The following PAG1 variants were observed in gnomAD, a reference collection of about 807,000 sequenced individuals.
The protein encoded by PAG1 is phosphoprotein associated with glycosphingolipid-enriched microdomains 1.
PAG1 carries 23 observed loss-of-function variants against 31.7 expected under a neutral mutation model. The ratio of observed to expected loss-of-function variants is 0.73; its 90% CI spans 0.52 to 1.03. The LOEUF is 1.03. Among genes scored for constraint, PAG1 ranks in the 50% least tolerant of loss-of-function variants. The pLI is 0.00. For synonymous variants in PAG1, 214 were observed against 210.3 expected (o/e 1.02, Z -0.15); for missense variants, 473 against 540.7 (o/e 0.87, Z 1.24).
chr8:80,991,636 T>G (rs1217876347), intron 4 of PAG1, 106 bp from the exon 5 acceptor site: 1 of 797,132 alleles, frequency 1.3e-6, no homozygotes, highest in African/African-American at 1.7e-5. Flanking sequence ...ATCTCTCGTT[T>G]TAAGAACCAT....
intron 1 of PAG1, among the ~76,000 whole-genome samples, chr8:81,090,147 G>A (rs189640221): frequency 5.9e-4 from 90 of 152,222 alleles, no homozygotes; most frequent in African/African-American, 2.0e-3. Flanking sequence ...GCCATGACAT[G>A]TCCCACAATT....
intron 3 of PAG1, among the ~76,000 whole-genome samples, chr8:81,016,529 G>T (rs1808075580): frequency 6.6e-6 from 1 of 152,152 alleles, no homozygotes; most frequent in African/African-American, 2.4e-5. Flanking sequence ...CAATTTGACA[G>T]TTCTCCTTAT....
chr8:81,052,760 C>G (rs1353582780), intron 2 of PAG1, among the ~76,000 whole-genome samples: 1 of 152,210 alleles, frequency 6.6e-6, no homozygotes, highest in Non-Finnish European at 1.5e-5. Context: ...AAGCTAATGT[C>G]TTTGCTCAGA....
intron 3 of PAG1, among the ~76,000 whole-genome samples, chr8:80,993,827 G>A (rs1375143230): frequency 6.6e-6 from 1 of 151,584 alleles, no homozygotes; most frequent in Admixed American, 6.6e-5. Context: ...ACTGGTCTTG[G>A]ACTCCTGGGC....
At chr8:81,055,351 G>A (rs2130896597) in intron 2 of PAG1, among the ~76,000 whole-genome samples, 1 of 152,244 alleles carries the variant, frequency 6.6e-6, no homozygotes, top group Admixed American at 6.5e-5. Flanking sequence ...AACATTTGGA[G>A]AATTCAGTTT....
intron 2 of PAG1, among the ~76,000 whole-genome samples, chr8:81,052,105 G>A (rs1432485261): frequency 1.1e-4 from 17 of 150,712 alleles, no homozygotes; most frequent in African/African-American, 2.9e-4. Context: ...ACTCCAGCCC[G>A]GGCGACAGAG....
intron 2 of PAG1, among the ~76,000 whole-genome samples, chr8:81,049,401 AAAT>A (rs1365028917): frequency 6.6e-6 from 1 of 152,228 alleles, no homozygotes; most frequent in African/African-American, 2.4e-5. Flanking sequence ...TGCTGCAGAA[AAAT>A]AATGATTTAG....
At chr8:80,985,528 G>T (rs569465287) in intron 6 of PAG1, 151 bp from the exon 7 acceptor site, 3 of 711,742 alleles carry the variant, frequency 4.2e-6, no homozygotes, top group Admixed American at 3.1e-5. Flanking sequence ...CCATCAGTTG[G>T]TATCCTACTT....
intron 2 of PAG1, among the ~76,000 whole-genome samples, chr8:81,032,768 A>G (rs574776117): frequency 6.6e-6 from 1 of 152,376 alleles, no homozygotes; most frequent in African/African-American, 2.4e-5. Flanking sequence ...AAACTTGCAC[A>G]TAGATATTCA....
At chr8:81,020,756 G>A (rs540172519) in intron 3 of PAG1, among the ~76,000 whole-genome samples, 6 of 152,082 alleles carry the variant, frequency 3.9e-5, no homozygotes, top group South Asian at 2.1e-4. Context: ...CAAAAGTGCC[G>A]AAAATGATGG....
chr8:81,006,895 C>T (rs758667698), intron 3 of PAG1, among the ~76,000 whole-genome samples: 17 of 152,102 alleles, frequency 1.1e-4, no homozygotes, highest in African/African-American at 2.9e-4. Context: ...TTAAAGAGAG[C>T]CTTTCCCTGT....
At position 81,087,199 on chromosome 8, in the gene PAG1, T is replaced by C. The variant is rs570019340; in HGVS notation, c.-233-17029A>G. Among the ~76,000 whole-genome samples, 17 of 152,116 alleles carry C rather than the reference T, an allele frequency of 1.1e-4. No homozygotes were observed. In the South Asian group the frequency reaches 1.9e-3, roughly 17 times the overall value. On this transcript the variant is annotated intron_variant, in intron 1 of 8. Coordinates refer to ENST00000220597, the MANE Select transcript of PAG1 (RefSeq NM_018440.4). ...GTCTACTAAAAATACAAAAATTAGCTGGGCTTGGTGGCATGTGCCTGTAAT... is the reference window on the plus strand; with the variant it reads ...GTCTACTAAAAATACAAAAATTAGCCGGGCTTGGTGGCATGTGCCTGTAAT...
At chr8:81,002,218 T>G (rs1563624834) in intron 3 of PAG1, among the ~76,000 whole-genome samples, 1 of 152,156 alleles carries the variant, frequency 6.6e-6, no homozygotes, top group Non-Finnish European at 1.5e-5. Flanking sequence ...CCACCTTTTT[T>G]TTTTTCATAA....
intron 3 of PAG1, among the ~76,000 whole-genome samples, chr8:81,021,417 C>T (rs994049804): frequency 1.3e-5 from 2 of 149,528 alleles, no homozygotes; most frequent in Non-Finnish European, 3.0e-5. Flanking sequence ...CCTTAGTTTG[C>T]ACCCTATGTC....
At chr8:81,068,645 G>A (rs1235184521) in intron 2 of PAG1, among the ~76,000 whole-genome samples, 1 of 152,144 alleles carries the variant, frequency 6.6e-6, no homozygotes, top group Non-Finnish European at 1.5e-5. Context: ...AGAAATTAGA[G>A]CATTCACTGT....
At chr8:81,001,880 T>C (rs966478369) in intron 3 of PAG1, among the ~76,000 whole-genome samples, 1 of 152,192 alleles carries the variant, frequency 6.6e-6, no homozygotes, top group African/African-American at 2.4e-5. Flanking sequence ...CTGGCCTGTC[T>C]GGGACAGCAG....
intron 1 of PAG1, among the ~76,000 whole-genome samples, chr8:81,093,908 GACGTA>G (rs2131078566): frequency 6.6e-6 from 1 of 152,300 alleles, no homozygotes; most frequent in African/African-American, 2.4e-5. Flanking sequence ...AATTCTGCAG[GACGTA>G]ATGGCCAGGC....
In PAG1 at chr8:81,004,520, A is replaced by G. The variant is rs1045487969; in HGVS notation, c.-80-11213T>C. Among the ~76,000 whole-genome samples, 4 of 152,234 alleles carry G rather than the reference A, an allele frequency of 2.6e-5. No homozygotes were observed. The East Asian group carries it at 7.7e-4, about 29-fold the overall frequency. ...CTAATCACACCATGAATATGAAACAATATTGGACCACTATAAACTTTGCAA... is the reference window on the plus strand; with the variant it reads ...CTAATCACACCATGAATATGAAACAGTATTGGACCACTATAAACTTTGCAA... On this transcript the variant is annotated intron_variant, in intron 3 of 8. Coordinates refer to ENST00000220597, the MANE Select transcript of PAG1 (RefSeq NM_018440.4).
intron 1 of PAG1, among the ~76,000 whole-genome samples, chr8:81,085,945 C>T (rs1809344102): frequency 7.0e-6 from 1 of 142,668 alleles, no homozygotes; most frequent in African/African-American, 2.6e-5. Flanking sequence ...ATTCTTCTAG[C>T]AAGTAGTTAC....
Sources: allele counts gnomAD v4.1 joint callset (sites outside exome capture counted in the v4.1 genomes callset), GRCh38; gene constraint gnomAD v4.1.1; transcripts MANE v1.5; gene names NCBI Gene and HGNC (gene_info 2026-07-23, HGNC 2026-07-21).